EPAS1: variants seen among roughly 807,000 people sequenced by gnomAD.
EPAS1 encodes the protein endothelial PAS domain-containing protein 1.
EPAS1 carries 23 observed loss-of-function variants against 87.9 expected under a neutral mutation model. That is an observed-to-expected ratio of 0.26 (90% CI 0.19 to 0.37). EPAS1 has a LOEUF of 0.37. EPAS1 is among the 10% of genes least tolerant of loss of function. The pLI is 1.00. For missense variants in EPAS1, 1,138 were observed against 1,120.7 expected (o/e 1.02, Z -0.22); for synonymous variants, 508 against 444.3 (o/e 1.14, Z -1.80).
intron 1 of EPAS1, among the ~76,000 whole-genome samples, chr2:46,322,503 T>C (rs781615612): frequency 1.3e-4 from 20 of 152,204 alleles, no homozygotes; most frequent in Non-Finnish European, 2.5e-4. Flanking sequence ...CCCTAGAATT[T>C]CTTACTCGGC....
chr2:46,319,613 T>C (rs1041320065), intron 1 of EPAS1, among the ~76,000 whole-genome samples: 1 of 152,236 alleles, frequency 6.6e-6, no homozygotes, highest in Non-Finnish European at 1.5e-5. Flanking sequence ...GATTAGCTTT[T>C]TCTCCTCCAT....
intron 1 of EPAS1, among the ~76,000 whole-genome samples, chr2:46,303,721 C>A (rs1683055766): frequency 6.6e-6 from 1 of 152,184 alleles, no homozygotes; most frequent in Non-Finnish European, 1.5e-5. Context: ...GTTCAGCTCT[C>A]CATAGCCTTT....
Position 46,327,015 on chromosome 2 carries a change from A to T in EPAS1, c.27-19858A>T, listed in dbSNP as rs143804765. ...CAAAATGTAGGTCACTGTTGTACCTATGTCAGTAGATAATGGTTTACTGCC... is the reference window on the plus strand; with the variant it reads ...CAAAATGTAGGTCACTGTTGTACCTTTGTCAGTAGATAATGGTTTACTGCC... On this transcript the variant is annotated intron_variant, in intron 1 of 15. Transcript: ENST00000263734. 2.9e-3 allele frequency among the ~76,000 whole-genome samples: 448 copies of T among 152,300 alleles called. 4 individuals are homozygous for T. Among genetic ancestry groups the T allele is most frequent in the African/African-American group, 0.01 (424 of 41,556 alleles).
chr2:46,300,663 G>C lies in EPAS1; in HGVS notation c.26+2726G>C, dbSNP rs1682978632. On this transcript the variant is annotated intron_variant, in intron 1 of 15. Coordinates refer to ENST00000263734, the MANE Select transcript of EPAS1 (RefSeq NM_001430.5). The surrounding 1 kb of genome is among the most constrained non-coding windows in gnomAD (Gnocchi z 4.1). ...TGAGTCCTTTCACTGGGAAAAAAAT[G>C]TGGAAATTCTGGGATTCACGGGGTT... is the stretch of plus-strand genomic sequence containing the variant. 6.6e-6 allele frequency among the ~76,000 whole-genome samples: 1 copy of C among 152,086 alleles called. No individual in the cohort carries two copies. Among genetic ancestry groups the C allele is most frequent in the Non-Finnish European group, 1.5e-5 (1 of 68,028 alleles).
Position 46,347,786 on chromosome 2 carries a change from T to A in EPAS1, c.217+723T>A, listed in dbSNP as rs1276833825. On this transcript the variant is annotated intron_variant, in intron 2 of 15. Coordinates refer to ENST00000263734, the MANE Select transcript of EPAS1 (RefSeq NM_001430.5). This position sits in a 1 kb window ranked among gnomAD's most constrained non-coding sequence, Gnocchi z 4.2. The stretch of plus-strand genomic sequence containing the variant: ...TCTTCAAGAAACCATTTCCTATGCG[T>A]CCTGACCAGAAACAGGTGTCTTGAG... Among the ~76,000 whole-genome samples, 1 of 152,204 alleles carries A rather than the reference T, an allele frequency of 6.6e-6. No homozygotes were observed. The highest frequency in any genetic ancestry group is 1.5e-5 in the Non-Finnish European group (1 of 68,042).
At chr2:46,307,493 G>C (rs939754056) in intron 1 of EPAS1, among the ~76,000 whole-genome samples, 19 of 152,160 alleles carry the variant, frequency 1.2e-4, no homozygotes, top group African/African-American at 4.3e-4. Flanking sequence ...GACTTAGGGG[G>C]AATTATTGGT....
At position 46,380,838 on chromosome 2, in the gene EPAS1, C is replaced by G. The variant is rs1212292090; in HGVS notation, c.2045+121C>G. 44 of 1,532,420 alleles carry G rather than the reference C, an allele frequency of 2.9e-5. No individual in the cohort carries two copies. Among genetic ancestry groups the G allele is most frequent in the Non-Finnish European group, 3.7e-5 (42 of 1,125,866 alleles). 94.9% of individuals were successfully genotyped at this position (1,532,420 alleles called of 1,614,324 possible). On this transcript the variant is annotated intron_variant, in intron 12 of 15. Transcript: ENST00000263734. This position sits in a 1 kb window ranked among gnomAD's most constrained non-coding sequence, Gnocchi z 4.4. ...CCCAGCCATCTGATACCCCATTTAG[C>G]CCTTCTCTGAGCTCAGACTTTGGGG...
At chr2:46,333,696 G>A (rs906178410) in intron 1 of EPAS1, among the ~76,000 whole-genome samples, 6 of 152,012 alleles carry the variant, frequency 3.9e-5, no homozygotes, top group Non-Finnish European at 5.9e-5. Flanking sequence ...CAAGGAGCAC[G>A]TCCAGCTTGG....
rs1684727470 is a variant in EPAS1, at chr2:46,375,588, G to T, written c.887-102G>T. ...ACTGTCGTGGCGCCCTGTTCTGTCT[G>T]TTCCCCTGCAGATTAGACTGCCCTC... is the stretch of plus-strand genomic sequence containing the variant. On this transcript the variant is annotated intron_variant, in intron 7 of 15. Coordinates refer to ENST00000263734, the MANE Select transcript of EPAS1 (RefSeq NM_001430.5). This position sits in a 1 kb window ranked among gnomAD's most constrained non-coding sequence, Gnocchi z 4.1. The T allele has an allele frequency of 6.9e-7, 1 of 1,447,108 alleles. No homozygotes were observed. The highest frequency in any genetic ancestry group is 1.4e-5 in the African/African-American group (1 of 70,726). The allele number at this position is 1,447,108 out of a possible 1,614,324, so 89.6% of individuals were successfully genotyped here.
intron 1 of EPAS1, among the ~76,000 whole-genome samples, chr2:46,324,830 G>C (rs1044162669): frequency 7.9e-5 from 12 of 152,200 alleles, no homozygotes; most frequent in African/African-American, 2.4e-4. Flanking sequence ...GAGAAGTCCA[G>C]AAGTGGTTGG....
intron 1 of EPAS1, among the ~76,000 whole-genome samples, chr2:46,344,724 G>A (rs1683986084): frequency 6.6e-6 from 1 of 152,156 alleles, no homozygotes; most frequent in South Asian, 2.1e-4. Context: ...GGGAGAGAGG[G>A]AAACAGGGAT....
At chr2:46,334,687 A>T (rs1487002710) in intron 1 of EPAS1, among the ~76,000 whole-genome samples, 2 of 152,230 alleles carry the variant, frequency 1.3e-5, no homozygotes, top group African/African-American at 4.8e-5. Context: ...GTAGGAAGAG[A>T]GAATCATTAA....
chr2:46,309,701 A>G (rs1021562760), intron 1 of EPAS1, among the ~76,000 whole-genome samples: 2 of 152,208 alleles, frequency 1.3e-5, no homozygotes, highest in African/African-American at 4.8e-5. Context: ...TGTGCAGGCC[A>G]GGACTGGTGA....
chr2:46,358,674 C>A (rs1263918235), intron 4 of EPAS1, among the ~76,000 whole-genome samples: 3 of 152,186 alleles, frequency 2.0e-5, no homozygotes, highest in Non-Finnish European at 4.4e-5. Flanking sequence ...GCCAAGTGAC[C>A]TCTAATTATC....
intron 1 of EPAS1, among the ~76,000 whole-genome samples, chr2:46,334,029 ACTGAG>A (rs1683739982): frequency 1.3e-5 from 2 of 152,240 alleles, no homozygotes; most frequent in East Asian, 3.9e-4. Flanking sequence ...GTCTCTGTGG[ACTGAG>A]CTGAGGCTCC....
At chr2:46,315,244 C>G (rs915030454) in intron 1 of EPAS1, among the ~76,000 whole-genome samples, 7 of 152,160 alleles carry the variant, frequency 4.6e-5, no homozygotes, top group African/African-American at 1.7e-4. Context: ...GTCCCTCACT[C>G]TGAGACAGTG....
intron 1 of EPAS1, among the ~76,000 whole-genome samples, chr2:46,338,407 CAG>C (rs548234572): frequency 2.0e-4 from 30 of 152,292 alleles, no homozygotes; most frequent in African/African-American, 7.0e-4. Flanking sequence ...TGCATGGTGT[CAG>C]GGGTCGGGCA....
At chr2:46,354,941 G>C (rs1438444806) in intron 2 of EPAS1, among the ~76,000 whole-genome samples, 1 of 152,138 alleles carries the variant, frequency 6.6e-6, no homozygotes, top group African/African-American at 2.4e-5. Context: ...TGGTTCAGAA[G>C]GCCCTTCTTG....
At chr2:46,341,195 C>T (rs1467165921) in intron 1 of EPAS1, among the ~76,000 whole-genome samples, 1 of 152,194 alleles carries the variant, frequency 6.6e-6, no homozygotes. Flanking sequence ...CAGCCAAGAC[C>T]ATTCTTTTCA....
Sources: allele counts gnomAD v4.1 joint callset (sites outside exome capture counted in the v4.1 genomes callset), GRCh38; gene constraint gnomAD v4.1.1; non-coding constraint Gnocchi (gnomAD v3.1); transcripts MANE v1.5; gene names NCBI Gene and HGNC (gene_info 2026-07-23, HGNC 2026-07-21).